The following GM2A variants were observed in gnomAD, a reference collection of about 807,000 sequenced individuals.
The protein encoded by GM2A is GM2 ganglioside activator.
GM2A carries 7 observed loss-of-function variants against 12.9 expected under a neutral mutation model. The observed-to-expected ratio is 0.54, with a 90% CI of 0.31 to 1.02. GM2A has a LOEUF of 1.02. Among genes scored for constraint, GM2A ranks in the 50% least tolerant of loss-of-function variants. The pLI is 0.05. For synonymous variants in GM2A, 101 were observed against 96.0 expected, an observed-to-expected ratio of 1.05 and a Z score of -0.30; for missense variants, 246 against 241.0, an observed-to-expected ratio of 1.02 and a Z score of -0.14.
At chr5:151,266,063 G>C (rs567088724) in intron 2 of GM2A, among the ~76,000 whole-genome samples, 18 of 152,318 alleles carry the variant, frequency 1.2e-4, no homozygotes, top group Admixed American at 7.2e-4. Context: ...TTGGGGCCAC[G>C]ACTGGGCTCA....
chr5:151,253,573 T>G (rs1753631402), intron 1 of GM2A, among the ~76,000 whole-genome samples: 1 of 152,084 alleles, frequency 6.6e-6, no homozygotes, highest in African/African-American at 2.4e-5. Context: ...CAGACAGCCT[T>G]AAAACTAAGG....
In GM2A at chr5:151,269,985, A is replaced by G; in HGVS notation, c.*2534A>G. The G allele has an allele frequency of 2.5e-6, 3 of 1,224,018 alleles. No individual in the cohort carries two copies. Among genetic ancestry groups the G allele is most frequent in the Non-Finnish European group, 3.0e-6 (3 of 983,680 alleles). 75.8% of individuals were successfully genotyped at this position (1,224,018 alleles called of 1,614,324 possible). Reference sequence around the variant, plus strand: ...CTCCACAGCCGTTTCCCTCTGTTGGATCTTCCAGCCTTATTCTCAACAGTT... The same window carrying G: ...CTCCACAGCCGTTTCCCTCTGTTGGGTCTTCCAGCCTTATTCTCAACAGTT... On this transcript the variant is annotated 3_prime_UTR_variant, in exon 4 of 4. Coordinates refer to ENST00000357164, the MANE Select transcript of GM2A (RefSeq NM_000405.5).
intron 2 of GM2A, among the ~76,000 whole-genome samples, chr5:151,263,941 TC>T (rs1753840474): frequency 6.6e-6 from 1 of 152,170 alleles, no homozygotes; most frequent in South Asian, 2.1e-4. Context: ...AAGTTAAATG[TC>T]CCGGATTCCA....
chr5:151,270,209 G>GA lies in GM2A; in HGVS notation c.*2760dup, dbSNP rs1451038018. The GA allele has an allele frequency of 1.3e-6, 1 of 779,530 alleles. No individual in the cohort carries two copies. The highest frequency in any genetic ancestry group is 1.8e-5 in the African/African-American group (1 of 55,790). 48.3% of individuals were successfully genotyped at this position (779,530 alleles called of 1,614,324 possible). A position where few individuals can be genotyped will look rare whatever the true frequency, so the allele number is the denominator to read the frequency against. On this transcript the variant is annotated 3_prime_UTR_variant, in exon 4 of 4. Coordinates refer to ENST00000357164, the MANE Select transcript of GM2A (RefSeq NM_000405.5). ...ACTGGAAAGCCCCTTGGAGAAAGTT[G>GA]AAGTTAGACCTGTACTTCACACCAT...
intron 2 of GM2A, among the ~76,000 whole-genome samples, 159 bp downstream of exon 2, chr5:151,260,075 G>A (rs1312043143): frequency 6.6e-6 from 1 of 152,194 alleles, no homozygotes; most frequent in Non-Finnish European, 1.5e-5. Context: ...ACAGGTTCAT[G>A]GAATCTCAGG....
chr5:151,260,548 G>A (rs980455269), intron 2 of GM2A, among the ~76,000 whole-genome samples: 1 of 152,156 alleles, frequency 6.6e-6, no homozygotes, highest in Admixed American at 6.5e-5. Context: ...AACCCAAGAG[G>A]CAGAGGTTGC....
chr5:151,256,912 A>G lies in GM2A; in HGVS notation c.82-2843A>G, dbSNP rs77996421. 8.5e-4 allele frequency among the ~76,000 whole-genome samples: 129 copies of G among 152,232 alleles called. 3 individuals carry two copies. The East Asian group carries it at 0.023, about 27-fold the overall frequency. ...CTTCTTAGTCTTTCCTTGTTTATTC[A>G]TGAGCTTGGCAGTCTTGAGGAGTTG... is the stretch of plus-strand genomic sequence containing the variant. On this transcript the variant is annotated intron_variant, in intron 1 of 3. Coordinates refer to ENST00000357164, the MANE Select transcript of GM2A (RefSeq NM_000405.5).
At chr5:151,258,578 G>C (rs1255506546) in intron 1 of GM2A, among the ~76,000 whole-genome samples, 1 of 152,148 alleles carries the variant, frequency 6.6e-6, no homozygotes, top group African/African-American at 2.4e-5. Context: ...GACCAACAGA[G>C]CCCTTAGCCC....
At chr5:151,262,139 AG>A (rs1385298211) in intron 2 of GM2A, among the ~76,000 whole-genome samples, 4 of 152,158 alleles carry the variant, frequency 2.6e-5, no homozygotes, top group African/African-American at 7.2e-5. Context: ...TGACTATTTT[AG>A]GGGTGTATGT....
Position 151,267,894 on chromosome 5 carries a change from G to A in GM2A, c.*443G>A. On this transcript the variant is annotated 3_prime_UTR_variant, in exon 4 of 4. Transcript: ENST00000357164. Reference sequence around the variant, plus strand: ...TTCTCCTCCGGCCCCCTGTTACAATGAAGGGGCAAAAGTATTTGCTCTTAG... The same window carrying A: ...TTCTCCTCCGGCCCCCTGTTACAATAAAGGGGCAAAAGTATTTGCTCTTAG... 1.7e-6 allele frequency: 2 copies of A among 1,145,738 alleles called. No individual in the cohort carries two copies. The highest frequency in any genetic ancestry group is 2.2e-6 in the Non-Finnish European group (2 of 921,796). The allele number at this position is 1,145,738 out of a possible 1,614,324, so 71.0% of individuals were successfully genotyped here.
At position 151,266,897 on chromosome 5, in the gene GM2A, A is replaced by G. The variant is rs763032791; in HGVS notation, c.410A>G (p.His137Arg). Residue 137 changes from histidine to arginine, a missense_variant, in exon 3 of 4, where the codon CAC becomes CGC. Physicochemically the swap from His to Arg is conservative, Grantham distance 29. Coordinates refer to ENST00000357164, the MANE Select transcript of GM2A (RefSeq NM_000405.5). ...EPLRTYGLPC[H>R]CPFKEGTYSL... ...CTGCGTACCTATGGGCTTCCTTGCC[A>G]CTGTCCCTTCAAAGAAGTAAGTACT... 2.5e-6 allele frequency: 4 copies of G among 1,613,534 alleles called. No individual in the cohort carries two copies. Among genetic ancestry groups the G allele is most frequent in the Non-Finnish European group, 3.4e-6 (4 of 1,179,572 alleles).
At position 151,267,664 on chromosome 5, in the gene GM2A, T is replaced by C; in HGVS notation, c.*213T>C. 6.7e-7 allele frequency: 1 copy of C among 1,499,896 alleles called. No homozygotes were observed. The highest frequency in any genetic ancestry group is 8.9e-7 in the Non-Finnish European group (1 of 1,123,800). 92.9% of individuals were successfully genotyped at this position (1,499,896 alleles called of 1,614,324 possible). On this transcript the variant is annotated 3_prime_UTR_variant, in exon 4 of 4. Coordinates refer to ENST00000357164, the MANE Select transcript of GM2A (RefSeq NM_000405.5). ...AAGGGAGAATGAGTTGGACAGTTCTTGATAGCCCAGGGCATCTGCTGGGCT... is the reference window on the plus strand; with the variant it reads ...AAGGGAGAATGAGTTGGACAGTTCTCGATAGCCCAGGGCATCTGCTGGGCT...
At chr5:151,263,854 C>G (rs1753839268) in intron 2 of GM2A, among the ~76,000 whole-genome samples, 1 of 152,182 alleles carries the variant, frequency 6.6e-6, no homozygotes. Context: ...TTTCTCTGAT[C>G]TTGCTGTAGT....
chr5:151,269,473 G>A lies in GM2A; in HGVS notation c.*2022G>A, dbSNP rs945510698. 2.4e-5 allele frequency: 24 copies of A among 983,968 alleles called. No homozygotes were observed. The East Asian group carries it at 5.7e-4, about 23-fold the overall frequency. 61.0% of individuals were successfully genotyped at this position (983,968 alleles called of 1,614,324 possible). On this transcript the variant is annotated 3_prime_UTR_variant, in exon 4 of 4. Transcript: ENST00000357164. ...TTGCTTTCCATCACATCATGACTGC[G>A]GAGAGCAAAAATCACCTAGTGACCA...
chr5:151,270,209 G>T lies in GM2A; in HGVS notation c.*2758G>T. ...ACTGGAAAGCCCCTTGGAGAAAGTTGAAGTTAGACCTGTACTTCACACCAT... is the reference window on the plus strand; with the variant it reads ...ACTGGAAAGCCCCTTGGAGAAAGTTTAAGTTAGACCTGTACTTCACACCAT... On this transcript the variant is annotated 3_prime_UTR_variant, in exon 4 of 4. Transcript: ENST00000357164. 1.3e-6 allele frequency: 1 copy of T among 779,648 alleles called. No homozygotes were observed. Among genetic ancestry groups the T allele is most frequent in the Non-Finnish European group, 1.7e-6 (1 of 574,952 alleles). The allele number at this position is 779,648 out of a possible 1,614,324, so 48.3% of individuals were successfully genotyped here. A position where few individuals can be genotyped will look rare whatever the true frequency, so the allele number is the denominator to read the frequency against.
chr5:151,262,918 C>T (rs1479321832), intron 2 of GM2A, among the ~76,000 whole-genome samples: 1 of 152,132 alleles, frequency 6.6e-6, no homozygotes, highest in Non-Finnish European at 1.5e-5. Flanking sequence ...GCCTGCTTTT[C>T]CTGGCTTCTT....
In GM2A at chr5:151,267,513, GT is replaced by G. The variant is rs1412045557; in HGVS notation, c.*65del. The G allele has an allele frequency of 6.2e-7, 1 of 1,609,632 alleles. No homozygotes were observed. Among genetic ancestry groups the G allele is most frequent in the African/African-American group, 1.3e-5 (1 of 74,878 alleles). On this transcript the variant is annotated 3_prime_UTR_variant, in exon 4 of 4. Coordinates refer to ENST00000357164, the MANE Select transcript of GM2A (RefSeq NM_000405.5). ...GAAGGTCCCTTTTCCTCTGTTTTGT[GT>G]TTGCCAAGGCCAAACTCCCACTCTC...
rs1561620818 is a variant in GM2A, at chr5:151,267,815, C to T, written c.*364C>T. 2.9e-6 allele frequency: 3 copies of T among 1,031,578 alleles called. No individual in the cohort carries two copies. The highest frequency in any genetic ancestry group is 1.7e-5 in the African/African-American group (1 of 58,762). 63.9% of individuals were successfully genotyped at this position (1,031,578 alleles called of 1,614,324 possible). A position where few individuals can be genotyped will look rare whatever the true frequency, so the allele number is the denominator to read the frequency against. ...TCTTTATGACTCTCTCTCTTTCACT[C>T]TTTTTTTTTTTTGTCACTAAGTTAA... On this transcript the variant is annotated 3_prime_UTR_variant, in exon 4 of 4. Coordinates refer to ENST00000357164, the MANE Select transcript of GM2A (RefSeq NM_000405.5).
At chr5:151,267,164 C>T (rs530071907) in intron 3 of GM2A, 132 bp from the exon 4 acceptor site, 1 of 1,185,290 alleles carries the variant, frequency 8.4e-7, no homozygotes, top group African/African-American at 1.5e-5. Context: ...ATGGCCGTCT[C>T]TCATCTTGTG....
Sources: allele counts gnomAD v4.1 joint callset (sites outside exome capture counted in the v4.1 genomes callset), GRCh38; gene constraint gnomAD v4.1.1; transcripts MANE v1.5; gene names NCBI Gene and HGNC (gene_info 2026-07-23, HGNC 2026-07-21).